Variants in SEC14L1 observed in about 807,000 individuals in gnomAD.
SEC14L1 encodes the protein SEC14-like protein 1.
In SEC14L1, 48 loss-of-function variants were observed where a neutral mutation model predicts 85.3. That is an observed-to-expected ratio of 0.56 (90% CI 0.45 to 0.72). The LOEUF is 0.72. Ranked by LOEUF, SEC14L1 falls within the 30% of genes least tolerant of loss-of-function variation. The probability of loss-of-function intolerance (pLI) is 0.00; values close to 1 mark genes in which losing one functional copy is unlikely to be tolerated. For missense variants in SEC14L1, 682 were observed against 921.4 expected (o/e 0.74, Z 3.36); for synonymous variants, 391 against 355.5 (o/e 1.10, Z -1.12).
At chr17:77,133,980 C>A (rs893956357) in intron 3 of SEC14L1, among the ~76,000 whole-genome samples, 1 of 149,986 alleles carries the variant, frequency 6.7e-6, no homozygotes, top group Non-Finnish European at 1.5e-5. Flanking sequence ...GGGGCACAGT[C>A]ACGGTGTTTC....
chr17:77,111,328 T>C (rs695124), intron 3 of SEC14L1, among the ~76,000 whole-genome samples: 131,355 of 151,806 alleles, frequency 0.87, 57,107 homozygotes, highest in African/African-American at 0.96. Flanking sequence ...TCTAAAGACG[T>C]GGGATTGATA....
chr17:77,186,571 A>G (rs1975277541), intron 3 of SEC14L1, among the ~76,000 whole-genome samples: 1 of 152,222 alleles, frequency 6.6e-6, no homozygotes, highest in Non-Finnish European at 1.5e-5. Flanking sequence ...GCTGGAGTGT[A>G]GCATGTGCTT....
At chr17:77,098,817 C>T (rs1347420802) in intron 3 of SEC14L1, among the ~76,000 whole-genome samples, 1 of 152,214 alleles carries the variant, frequency 6.6e-6, no homozygotes, top group Non-Finnish European at 1.5e-5. Flanking sequence ...ACTACTTCTA[C>T]ACTAGCTCCT....
chr17:77,114,017 T>A (rs1338571275), intron 3 of SEC14L1, among the ~76,000 whole-genome samples: 1 of 152,136 alleles, frequency 6.6e-6, no homozygotes, highest in African/African-American at 2.4e-5. Context: ...AGGCACAGCC[T>A]TCTGGTCCCA....
intron 2 of SEC14L1, among the ~76,000 whole-genome samples, chr17:77,143,192 G>A (rs1475374899): frequency 6.6e-6 from 1 of 152,168 alleles, no homozygotes; most frequent in African/African-American, 2.4e-5. Flanking sequence ...AGTTGTTTAA[G>A]AGAAAATGAT....
At chr17:77,157,851 A>G (rs1031474974) in intron 3 of SEC14L1, among the ~76,000 whole-genome samples, 3 of 150,576 alleles carry the variant, frequency 2.0e-5, no homozygotes, top group Non-Finnish European at 3.0e-5. Flanking sequence ...AAGTTTTTCA[A>G]ACGAATGGTT....
intron 3 of SEC14L1, among the ~76,000 whole-genome samples, chr17:77,110,174 C>T: frequency 6.6e-6 from 1 of 152,214 alleles, no homozygotes; most frequent in East Asian, 1.9e-4. Context: ...GAACACCAAG[C>T]TCTGAAAGGT....
intron 9 of SEC14L1, among the ~76,000 whole-genome samples, chr17:77,201,614 C>T (rs1488440238): frequency 6.6e-6 from 1 of 152,090 alleles, no homozygotes; most frequent in East Asian, 1.9e-4. Context: ...CCACGCCCGG[C>T]TACTTTTTGT....
chr17:77,212,240 C>T (rs757303180), intron 15 of SEC14L1, 39 bp downstream of exon 15: 5 of 1,604,312 alleles, frequency 3.1e-6, no homozygotes, highest in Admixed American at 3.4e-5. Context: ...ATCCGTGACT[C>T]CACACGGCCA....
chr17:77,097,110 C>G (rs1218262554), intron 3 of SEC14L1, among the ~76,000 whole-genome samples: 2 of 152,226 alleles, frequency 1.3e-5, no homozygotes, highest in Non-Finnish European at 2.9e-5. Context: ...GAAAGATTTT[C>G]TTTGTAAGGA....
intron 3 of SEC14L1, among the ~76,000 whole-genome samples, chr17:77,095,726 A>C (rs1971625619): frequency 6.6e-6 from 1 of 152,162 alleles, no homozygotes; most frequent in Non-Finnish European, 1.5e-5. Context: ...CTGAGGCATG[A>C]GAATCAGTTG....
intron 3 of SEC14L1, among the ~76,000 whole-genome samples, chr17:77,169,145 G>A (rs986790701): frequency 1.3e-5 from 2 of 149,340 alleles, no homozygotes; most frequent in Non-Finnish European, 3.0e-5. Context: ...ATAGTTTACC[G>A]CAGTACCACC....
At chr17:77,116,265 C>T (rs1044525688) in intron 3 of SEC14L1, among the ~76,000 whole-genome samples, 4 of 152,132 alleles carry the variant, frequency 2.6e-5, no homozygotes, top group Non-Finnish European at 5.9e-5. Flanking sequence ...TTGATTTAAA[C>T]GTTTTAGGGG....
At chr17:77,167,753 G>T (rs1469868637) in intron 3 of SEC14L1, among the ~76,000 whole-genome samples, 2 of 152,200 alleles carry the variant, frequency 1.3e-5, no homozygotes, top group Non-Finnish European at 2.9e-5. Context: ...AAGTTTTATT[G>T]AGTGATGAAG....
At chr17:77,180,511 TA>T (rs1200509955) in intron 3 of SEC14L1, among the ~76,000 whole-genome samples, 6 of 152,224 alleles carry the variant, frequency 3.9e-5, no homozygotes, top group African/African-American at 1.4e-4. Context: ...CTCCATCTCC[TA>T]GGCTCCCGCG....
chr17:77,146,227 T>C (rs935534560), intron 3 of SEC14L1, among the ~76,000 whole-genome samples: 6 of 151,834 alleles, frequency 4.0e-5, no homozygotes, highest in African/African-American at 1.5e-4. Context: ...CCAGGTAAAG[T>C]AGAGTGGCTG....
chr17:77,112,526 T>C (rs1181230042), intron 3 of SEC14L1, among the ~76,000 whole-genome samples: 1 of 152,140 alleles, frequency 6.6e-6, no homozygotes, highest in Non-Finnish European at 1.5e-5. Flanking sequence ...TTAATCCACC[T>C]CTCAGGACAG....
chr17:77,158,061 T>C (rs1016077389), intron 3 of SEC14L1, among the ~76,000 whole-genome samples: 2 of 152,222 alleles, frequency 1.3e-5, no homozygotes, highest in African/African-American at 4.8e-5. Context: ...CTTCTATTTT[T>C]GTATTTTTAG....
chr17:77,116,955 T>C (rs1039427695), intron 3 of SEC14L1, among the ~76,000 whole-genome samples: 4 of 152,140 alleles, frequency 2.6e-5, no homozygotes, highest in African/African-American at 9.7e-5. Context: ...CAAAATTAAA[T>C]GGTAAGCATC....
Sources: allele counts gnomAD v4.1 joint callset (sites outside exome capture counted in the v4.1 genomes callset), GRCh38; gene constraint gnomAD v4.1.1; transcripts MANE v1.5; gene names NCBI Gene and HGNC (gene_info 2026-07-23, HGNC 2026-07-21).